The following RAB3C variants were observed in gnomAD, a reference collection of about 807,000 sequenced individuals.
The protein encoded by RAB3C is RAB3C, member RAS oncogene family.
In RAB3C, 17 loss-of-function variants were observed where a neutral mutation model predicts 26.4. The observed-to-expected ratio is 0.64, with a 90% CI of 0.44 to 0.97. The LOEUF (loss-of-function observed/expected upper bound fraction) is 0.97. RAB3C is among the 50% of genes least tolerant of loss of function. The pLI, the probability that RAB3C is intolerant of heterozygous loss-of-function variation, is 0.00. For missense variants in RAB3C, 242 were observed against 281.9 expected (o/e 0.86, Z 1.01); for synonymous variants, 91 against 95.9 (o/e 0.95, Z 0.30).
chr5:58,682,323 A>C (rs1748362699), intron 2 of RAB3C, among the ~76,000 whole-genome samples: 1 of 152,204 alleles, frequency 6.6e-6, no homozygotes, highest in African/African-American at 2.4e-5. Context: ...TTTTGTACGT[A>C]GGTCATTTTG....
Position 58,747,940 on chromosome 5 carries a change from T to A in RAB3C, c.371+21820T>A, listed in dbSNP as rs1741434259. 2.6e-5 allele frequency among the ~76,000 whole-genome samples: 4 copies of A among 152,256 alleles called. No homozygotes were observed. In the South Asian group the frequency reaches 8.3e-4, roughly 32 times the overall value. On this transcript the variant is annotated intron_variant, in intron 3 of 4. Coordinates refer to ENST00000282878, the MANE Select transcript of RAB3C (RefSeq NM_138453.4). ...TTGATTCTTTTAGGCATTTAAATAG[T>A]ACATTTAGAGTCGTCTTTGGGGAAA...
At chr5:58,780,030 C>T (rs1742237955) in intron 3 of RAB3C, among the ~76,000 whole-genome samples, 1 of 152,052 alleles carries the variant, frequency 6.6e-6, no homozygotes. Context: ...CACAGGGACC[C>T]CATCTTCATG....
At chr5:58,701,693 T>G (rs1251683519) in intron 2 of RAB3C, among the ~76,000 whole-genome samples, 16 of 152,230 alleles carry the variant, frequency 1.1e-4, no homozygotes, top group Admixed American at 1.0e-3. Flanking sequence ...AGAGGCCACC[T>G]GCATTCCTGG....
chr5:58,845,612 A>ATATATATATATATATATATATGTGTGTG, intron 4 of RAB3C, among the ~76,000 whole-genome samples: 64 of 81,676 alleles, frequency 7.8e-4, no homozygotes, highest in African/African-American at 3.1e-3. Context: ...ATATATATAT[A>ATATATATATATATATATATATGTGTGTG]TGTGTGTGTG....
chr5:58,800,294 A>G (rs914696592), intron 3 of RAB3C, among the ~76,000 whole-genome samples: 2 of 152,192 alleles, frequency 1.3e-5, no homozygotes, highest in African/African-American at 4.8e-5. Flanking sequence ...TTAGTTTTTG[A>G]ATTTTATAAA....
intron 3 of RAB3C, among the ~76,000 whole-genome samples, chr5:58,783,180 G>T (rs949022676): frequency 2.6e-5 from 4 of 151,942 alleles, no homozygotes; most frequent in Non-Finnish European, 5.9e-5. Flanking sequence ...ATAAATATAC[G>T]CTTATAAAGC....
At position 58,602,807 on chromosome 5, in the gene RAB3C, T is replaced by C. The variant is rs929865591; in HGVS notation, c.25-14836T>C. On this transcript the variant is annotated intron_variant, in intron 1 of 4. Transcript: ENST00000282878. ...TTATCCATTCTGCGATTCTGTATCT[T>C]TTATTAAGTGGAGCATTAAGGCCAT... 3.4e-4 allele frequency among the ~76,000 whole-genome samples: 52 copies of C among 152,324 alleles called. 1 individual carries two copies. The highest frequency in any genetic ancestry group is 1.2e-3 in the African/African-American group (51 of 41,578).
intron 3 of RAB3C, among the ~76,000 whole-genome samples, chr5:58,795,677 GC>G (rs1329609249): frequency 6.6e-6 from 1 of 152,062 alleles, no homozygotes; most frequent in Non-Finnish European, 1.5e-5. Flanking sequence ...GTCTCACTGG[GC>G]CTCCCAACCC....
chr5:58,703,029 A>G (rs1748879077), intron 2 of RAB3C, among the ~76,000 whole-genome samples: 2 of 152,236 alleles, frequency 1.3e-5, no homozygotes, highest in Admixed American at 6.5e-5. Context: ...CAGGATATAT[A>G]GTAATTAAAG....
At chr5:58,675,961 C>T (rs945278046) in intron 2 of RAB3C, among the ~76,000 whole-genome samples, 48 of 99,488 alleles carry the variant, frequency 4.8e-4, no homozygotes, top group Non-Finnish European at 8.9e-4. Context: ...TGCAGCCTTA[C>T]CCTGTGGCAC....
intron 1 of RAB3C, among the ~76,000 whole-genome samples, chr5:58,596,697 T>G (rs1014635434): frequency 5.8e-4 from 33 of 57,324 alleles, no homozygotes; most frequent in Non-Finnish European, 8.3e-4. Context: ...TAATACATAA[T>G]ATATTATATA....
chr5:58,836,758 C>A (rs1743756678), intron 4 of RAB3C, among the ~76,000 whole-genome samples: 1 of 152,016 alleles, frequency 6.6e-6, no homozygotes, highest in South Asian at 2.1e-4. Context: ...GTATATACAC[C>A]ACATTTTTTA....
At chr5:58,718,869 A>G (rs1489746966) in intron 2 of RAB3C, among the ~76,000 whole-genome samples, 1 of 152,024 alleles carries the variant, frequency 6.6e-6, no homozygotes. Flanking sequence ...CTCTAGGGAA[A>G]AAGTTTCCAT....
intron 4 of RAB3C, 23 bp from the exon 5 acceptor site, chr5:58,851,139 ATG>A: frequency 6.4e-7 from 1 of 1,571,280 alleles, no homozygotes; most frequent in Non-Finnish European, 8.6e-7. Flanking sequence ...AATAACCAAG[ATG>A]TGTTTCTGTG....
intron 1 of RAB3C, among the ~76,000 whole-genome samples, chr5:58,611,549 A>G (rs1746701397): frequency 6.6e-6 from 1 of 152,054 alleles, no homozygotes; most frequent in African/African-American, 2.4e-5. Flanking sequence ...GTGTCTGTTC[A>G]TGCACTTTAC....
At chr5:58,797,358 GTATATATATAATATATATATATATATA>G (rs1742688934) in intron 3 of RAB3C, among the ~76,000 whole-genome samples, 1 of 26,290 alleles carries the variant, frequency 3.8e-5, no homozygotes, top group African/African-American at 2.2e-4. Flanking sequence ...AAAAAAATAT[GTATATATATAATATATATATATATATA>G]TATATATATA....
chr5:58,664,925 C>T (rs1257632938), intron 2 of RAB3C, among the ~76,000 whole-genome samples: 1 of 152,034 alleles, frequency 6.6e-6, no homozygotes, highest in Non-Finnish European at 1.5e-5. Context: ...TTCTCAAATA[C>T]TCCAAAGGTG....
intron 2 of RAB3C, among the ~76,000 whole-genome samples, chr5:58,692,627 C>T (rs1298014710): frequency 6.6e-6 from 1 of 151,912 alleles, no homozygotes; most frequent in Non-Finnish European, 1.5e-5. Context: ...CATCAATATC[C>T]ACCACCCCCA....
chr5:58,853,042 T>C lies in RAB3C; in HGVS notation c.*1691T>C, dbSNP rs1169930707. ...AGAGCATTTGGAATGCTTTAAGCAT[T>C]TCCATGTTATTTCTCACCTTCCTAG... is the stretch of plus-strand genomic sequence containing the variant. On this transcript the variant is annotated 3_prime_UTR_variant, in exon 5 of 5. Coordinates refer to ENST00000282878, the MANE Select transcript of RAB3C (RefSeq NM_138453.4). 6.6e-6 allele frequency: 1 copy of C among 152,214 alleles called. No homozygotes were observed. The allele number at this position is 152,214 out of a possible 1,614,324, so 9.4% of individuals were successfully genotyped here. A position where few individuals can be genotyped will look rare whatever the true frequency, so the allele number is the denominator to read the frequency against.
Sources: allele counts gnomAD v4.1 joint callset (sites outside exome capture counted in the v4.1 genomes callset), GRCh38; gene constraint gnomAD v4.1.1; transcripts MANE v1.5; gene names NCBI Gene and HGNC (gene_info 2026-07-23, HGNC 2026-07-21).